DMBT1: variants seen among roughly 807,000 people sequenced by gnomAD.
DMBT1 encodes scavenger receptor cysteine-rich domain-containing protein DMBT1.
Under a neutral mutation model 252.9 loss-of-function variants are expected in DMBT1, and 198 were observed. The observed-to-expected ratio is 0.78, with a 90% CI of 0.70 to 0.88. The LOEUF (loss-of-function observed/expected upper bound fraction) is 0.88, where lower values mean the gene tolerates loss of function less well. DMBT1 is among the 40% of genes least tolerant of loss of function. The pLI is 0.00. For synonymous variants in DMBT1, 990 were observed against 942.7 expected, an observed-to-expected ratio of 1.05 and a Z score of -0.92; for missense variants, 2,432 against 2,404.7, an observed-to-expected ratio of 1.01 and a Z score of -0.24.
rs1193560291 is a variant in DMBT1, at chr10:122,643,696, T to C, written c.*298T>C. ...TGTCAATACTTACTTCTTAGCACTG[T>C]TGAGAGGGTTACTTACATAAAGGAA... On this transcript the variant is annotated 3_prime_UTR_variant, in exon 56 of 56. Transcript: ENST00000338354. 1.0e-5 allele frequency: 4 copies of C among 400,490 alleles called. No individual in the cohort carries two copies. The highest frequency in any genetic ancestry group is 1.8e-5 in the Non-Finnish European group (4 of 218,908). 24.8% of individuals were successfully genotyped at this position (400,490 alleles called of 1,614,324 possible). A position where few individuals can be genotyped will look rare whatever the true frequency, so the allele number is the denominator to read the frequency against.
chr10:122,569,145 C>T (rs2097635797), intron 2 of DMBT1, among the ~76,000 whole-genome samples: 1 of 152,078 alleles, frequency 6.6e-6, no homozygotes, highest in African/African-American at 2.4e-5. Flanking sequence ...CAGTCTCACC[C>T]CCCAGAGCCT....
chr10:122,623,214 A>G (rs1277425808), intron 44 of DMBT1, among the ~76,000 whole-genome samples: 1 of 152,230 alleles, frequency 6.6e-6, no homozygotes, highest in Non-Finnish European at 1.5e-5. Context: ...AGGTTCATTC[A>G]TATTTTAGCA....
At position 122,640,121 on chromosome 10, in the gene DMBT1, C is replaced by A. The variant is rs190602319; in HGVS notation, c.7024C>A (p.Arg2342Ser). ...CATCATCAAGAGGAGGACAGACCTC[C>A]GTATTCACGTCAGCTGCAGAATGCT... Reference protein sequence around the residue: ...GGIIKRRTDLRIHVSCRMLQN... With the variant: ...GGIIKRRTDLSIHVSCRMLQN... Residue 2342 changes from arginine (R) to serine (S), a missense_variant, in exon 55 of 56, where the codon CGT becomes AGT. Physicochemically the swap from Arg to Ser is moderately radical, Grantham distance 110. Transcript: ENST00000338354. 5 of 1,614,044 alleles carry A rather than the reference C, an allele frequency of 3.1e-6. No individual in the cohort carries two copies. The highest frequency in any genetic ancestry group is 4.2e-6 in the Non-Finnish European group (5 of 1,179,906).
intron 2 of DMBT1, 147 bp downstream of exon 2, chr10:122,566,143 T>A (rs1331808431): frequency 8.5e-6 from 7 of 822,604 alleles, no homozygotes; most frequent in African/African-American, 5.1e-5. Context: ...ACAGGAGACG[T>A]GCGTGCCAAG....
intron 2 of DMBT1, among the ~76,000 whole-genome samples, chr10:122,566,459 GCACCACCA>G (rs2097593441): frequency 6.6e-6 from 1 of 151,694 alleles, no homozygotes; most frequent in African/African-American, 2.4e-5. Context: ...CTACAGGTGC[GCACCACCA>G]CGCCCAGCTA....
intron 24 of DMBT1, among the ~76,000 whole-genome samples, chr10:122,597,593 C>G (rs1328137781): frequency 6.6e-6 from 1 of 152,214 alleles, no homozygotes; most frequent in African/African-American, 2.4e-5. Context: ...TCTGGTGCCT[C>G]CACTTACTGG....
At chr10:122,574,065 T>C (rs76627533) in intron 6 of DMBT1, among the ~76,000 whole-genome samples, 1,741 of 152,334 alleles carry the variant, frequency 0.011, 12 homozygotes, top group Middle Eastern at 0.037. Context: ...CCAGCTGTGC[T>C]CATCCGTGGC....
chr10:122,640,265 A>G lies in DMBT1; in HGVS notation c.7168A>G (p.Thr2390Ala), dbSNP rs562376502. 1 of 1,613,944 alleles carries G rather than the reference A, an allele frequency of 6.2e-7. No homozygotes were observed. Among genetic ancestry groups the G allele is most frequent in the South Asian group, 1.1e-5 (1 of 91,062 alleles). ...GNFDVNISFY[T>A]SSSFLYPVTS... is the part of the protein sequence containing the mutation. ...TTTTGACGTGAACATTTCCTTTTATACTTCCTCATCTTTCTTGTATCCTGT... is the reference window on the plus strand; with the variant it reads ...TTTTGACGTGAACATTTCCTTTTATGCTTCCTCATCTTTCTTGTATCCTGT... The change falls in exon 55 of 56, where the codon ACT (threonine) becomes GCT (alanine). Residue 2390 changes from threonine to alanine, a missense_variant. By Grantham distance (58) the Thr-to-Ala change is moderately conservative. Around this residue, in one of 3 missense-constraint regions of DMBT1, gnomAD observed 1,162 missense variants for 1,169.0 expected, o/e 0.99. Coordinates refer to ENST00000338354, the MANE Select transcript of DMBT1 (RefSeq NM_001377530.1).
At chr10:122,591,381 A>G (rs2133585089) in intron 18 of DMBT1, 98 bp from the exon 19 acceptor site, 1 of 1,291,250 alleles carries the variant, frequency 7.7e-7, no homozygotes, top group African/African-American at 1.4e-5. Context: ...TAGAAATGGA[A>G]GAATATTCAT....
intron 54 of DMBT1, among the ~76,000 whole-genome samples, chr10:122,639,383 T>G (rs1844080207): frequency 6.6e-6 from 1 of 152,116 alleles, no homozygotes; most frequent in Non-Finnish European, 1.5e-5. Flanking sequence ...TGGGTGCAGG[T>G]GGGCTGAGTC....
intron 24 of DMBT1, among the ~76,000 whole-genome samples, chr10:122,597,563 G>A (rs537936802): frequency 6.8e-4 from 104 of 152,316 alleles, no homozygotes; most frequent in Middle Eastern, 3.4e-3. Flanking sequence ...GCTCGGGCAG[G>A]GAGAGGGATA....
chr10:122,620,430 C>A, intron 43 of DMBT1, 139 bp downstream of exon 43: 1 of 982,196 alleles, frequency 1.0e-6, no homozygotes, highest in Non-Finnish European at 1.5e-6. Flanking sequence ...GGTAGACTCC[C>A]TGGGAACCTA....
rs773141977 is a variant in DMBT1 at position 122,630,311 on chromosome 10, G to C, written c.5846G>C (p.Ser1949Thr). The C allele has an allele frequency of 6.2e-7, 1 of 1,614,014 alleles. No homozygotes were observed. Among genetic ancestry groups the C allele is most frequent in the South Asian group, 1.1e-5 (1 of 91,078 alleles). Reference sequence around the variant, plus strand: ...AGATTGGAGGCACACCATAACTGCAGTTTTGATTATGTTGAAATCTTTGAT... The same window carrying C: ...AGATTGGAGGCACACCATAACTGCACTTTTGATTATGTTGAAATCTTTGAT... Reference protein sequence around the residue: ...NLKLEAHHNCSFDYVEIFDGS... With the variant: ...NLKLEAHHNCTFDYVEIFDGS... Residue 1949 changes from serine to threonine, a missense_variant, in exon 48 of 56, where the codon AGT (serine) becomes ACT (threonine). Coordinates refer to ENST00000338354, the MANE Select transcript of DMBT1 (RefSeq NM_001377530.1).
Position 122,598,808 on chromosome 10 carries a change from T to C in DMBT1, c.2991T>C (p.Asn997=). The change falls in exon 26 of 56, where the codon AAT becomes AAC. Residue 997 remains asparagine (N), a synonymous_variant. Coordinates refer to ENST00000338354, the MANE Select transcript of DMBT1 (RefSeq NM_001377530.1). ...CCAGTTTGGCCCTGAGGCTGGTGAA[T>C]GGAGGTGACAGGTGTCAGGGCCGAG... is the stretch of plus-strand genomic sequence containing the variant. ...SESSLALRLV[N]GGDRCQGRVE... The C allele has an allele frequency of 1.2e-6, 2 of 1,613,476 alleles. No individual in the cohort carries two copies. Among genetic ancestry groups the C allele is most frequent in the Non-Finnish European group, 1.7e-6 (2 of 1,179,736 alleles).
chr10:122,565,624 T>C (rs1379765339), intron 1 of DMBT1, among the ~76,000 whole-genome samples: 2 of 152,198 alleles, frequency 1.3e-5, no homozygotes, highest in Non-Finnish European at 2.9e-5. Flanking sequence ...CCAGCTATAC[T>C]CAAATTTCAG....
intron 5 of DMBT1, 76 bp downstream of exon 5, chr10:122,572,437 G>C (rs757134831): frequency 6.3e-7 from 1 of 1,577,508 alleles, no homozygotes; most frequent in Non-Finnish European, 8.7e-7. Flanking sequence ...ACCCAGATGA[G>C]GTGTAGAGGA....
At chr10:122,578,395 G>A (rs769511568) in intron 8 of DMBT1, among the ~76,000 whole-genome samples, 6 of 152,190 alleles carry the variant, frequency 3.9e-5, no homozygotes, top group Non-Finnish European at 7.3e-5. Flanking sequence ...CATTTTAGCT[G>A]CAAGTGTCAA....
chr10:122,617,121 G>A (rs2097993039), intron 39 of DMBT1, 107 bp from the exon 40 acceptor site: 7 of 1,283,282 alleles, frequency 5.5e-6, no homozygotes, highest in South Asian at 4.8e-5. Context: ...GGCAGGAACA[G>A]GAAGTGGAAT....
intron 1 of DMBT1, among the ~76,000 whole-genome samples, chr10:122,563,959 G>A (rs114158771): frequency 0.02 from 3,030 of 152,288 alleles, 102 homozygotes; most frequent in South Asian, 0.14. Flanking sequence ...CTATCAGCTC[G>A]TTCTTGAGTG....
Sources: allele counts gnomAD v4.1 joint callset (sites outside exome capture counted in the v4.1 genomes callset), GRCh38; gene constraint gnomAD v4.1.1; regional missense constraint gnomAD v4.1.1; transcripts MANE v1.5; gene names NCBI Gene and HGNC (gene_info 2026-07-23, HGNC 2026-07-21).